EGFR: variants seen among roughly 807,000 people sequenced by gnomAD.
The protein encoded by EGFR is epidermal growth factor receptor, also known as avian erythroblastic leukemia viral (v-erb-b) oncogene homolog.
A neutral mutation model predicts 143.0 loss-of-function variants in EGFR; 58 were observed. The ratio of observed to expected loss-of-function variants is 0.41; its 90% CI spans 0.33 to 0.50. EGFR has a LOEUF of 0.50. Among genes scored for constraint, EGFR ranks in the 20% least tolerant of loss-of-function variants. EGFR has a pLI of 0.39. For synonymous variants in EGFR, 613 were observed against 594.4 expected, an observed-to-expected ratio of 1.03 and a Z score of -0.45; for missense variants, 1,307 against 1,579.0, an observed-to-expected ratio of 0.83 and a Z score of 2.92.
At chr7:55,057,920 T>G (rs1320009790) in intron 1 of EGFR, among the ~76,000 whole-genome samples, 1 of 152,234 alleles carries the variant, frequency 6.6e-6, no homozygotes, top group Non-Finnish European at 1.5e-5. Flanking sequence ...CGTGCTCTTT[T>G]TAAATGGTTG....
chr7:55,051,815 TTA>T (rs1554317455), intron 1 of EGFR, among the ~76,000 whole-genome samples: 1 of 152,210 alleles, frequency 6.6e-6, no homozygotes, highest in Non-Finnish European at 1.5e-5. Flanking sequence ...TGACCACTGC[TTA>T]GTTTCTCAAA....
chr7:55,178,486 G>C (rs1442564687), intron 19 of EGFR, among the ~76,000 whole-genome samples: 1 of 152,202 alleles, frequency 6.6e-6, no homozygotes, highest in South Asian at 2.1e-4. Flanking sequence ...ACCCATTGGG[G>C]TGAGCAGTGG....
intron 14 of EGFR, among the ~76,000 whole-genome samples, chr7:55,164,522 T>A (rs1785870479): frequency 6.6e-6 from 1 of 152,194 alleles, no homozygotes; most frequent in South Asian, 2.1e-4. Flanking sequence ...AGACTTGGTT[T>A]ATAGGTTTGC....
intron 15 of EGFR, among the ~76,000 whole-genome samples, chr7:55,169,074 G>C (rs147644130): frequency 6.6e-6 from 1 of 151,966 alleles, no homozygotes; most frequent in Non-Finnish European, 1.5e-5. Context: ...CCCAGACGAG[G>C]GGGAGGAACC....
chr7:55,080,918 G>A (rs1221403317), intron 1 of EGFR, among the ~76,000 whole-genome samples: 4 of 152,176 alleles, frequency 2.6e-5, no homozygotes, highest in African/African-American at 9.6e-5. Flanking sequence ...TAGGACCCAG[G>A]GGTGATCTAG....
chr7:55,174,583 A>G, intron 18 of EGFR, 139 bp from the exon 19 acceptor site: 1 of 754,886 alleles, frequency 1.3e-6, no homozygotes, highest in Admixed American at 1.9e-5. Context: ...CAGCAATATC[A>G]GCCTTAGGTG....
At chr7:55,163,917 C>A in intron 14 of EGFR, 94 bp downstream of exon 14, 1 of 1,409,036 alleles carries the variant, frequency 7.1e-7, no homozygotes, top group Non-Finnish European at 1.0e-6. Context: ...CCTGTGTGGG[C>A]AGGACGGCCA....
intron 15 of EGFR, 32 bp from the exon 16 acceptor site, chr7:55,171,143 A>G (rs1410887763): frequency 1.2e-6 from 2 of 1,613,936 alleles, no homozygotes; most frequent in South Asian, 2.2e-5. Flanking sequence ...GTAGAATGAG[A>G]AAAATGTATA....
chr7:55,059,767 A>G (rs1449427445), intron 1 of EGFR, among the ~76,000 whole-genome samples: 1 of 152,214 alleles, frequency 6.6e-6, no homozygotes, highest in Non-Finnish European at 1.5e-5. Flanking sequence ...TAAATACTCA[A>G]TGAATAAATA....
intron 1 of EGFR, among the ~76,000 whole-genome samples, chr7:55,058,542 A>T (rs1353955264): frequency 1.4e-4 from 22 of 152,202 alleles, no homozygotes; most frequent in Non-Finnish European, 1.9e-4. Flanking sequence ...AAAGAACAAG[A>T]TCATGTCCTT....
chr7:55,192,651 G>T (rs1787450875), intron 21 of EGFR, 115 bp from the exon 22 acceptor site: 2 of 939,210 alleles, frequency 2.1e-6, no homozygotes, highest in East Asian at 2.5e-5. Context: ...ACGGGTCCTG[G>T]GGTGATCTGG....
intron 3 of EGFR, among the ~76,000 whole-genome samples, chr7:55,143,828 C>T (rs1455679571): frequency 2.0e-5 from 3 of 152,176 alleles, no homozygotes; most frequent in Non-Finnish European, 4.4e-5. Flanking sequence ...AGTGAATAAA[C>T]TGCCAGTCTT....
chr7:55,083,636 C>T (rs1790595449), intron 1 of EGFR, among the ~76,000 whole-genome samples: 1 of 152,172 alleles, frequency 6.6e-6, no homozygotes, highest in Non-Finnish European at 1.5e-5. Context: ...TATTTTCAGG[C>T]CAAGGGGAGA....
chr7:55,201,715 C>T lies in EGFR; in HGVS notation c.3115-20C>T, dbSNP rs1456741009. On this transcript the variant is annotated intron_variant, in intron 25 of 27. Transcript: ENST00000275493. ...TGTGGTACAAGCATTCCATGGGCAA[C>T]TTCTCTGTTTCTTTTTCAGAGTGCA... 7 of 1,614,096 alleles carry T rather than the reference C, an allele frequency of 4.3e-6. No individual in the cohort carries two copies. Among genetic ancestry groups the T allele is most frequent in the Non-Finnish European group, 5.9e-6 (7 of 1,180,046 alleles).
At chr7:55,051,007 C>T (rs984678009) in intron 1 of EGFR, among the ~76,000 whole-genome samples, 10 of 152,160 alleles carry the variant, frequency 6.6e-5, no homozygotes, top group African/African-American at 2.2e-4. Context: ...AGGACCTGAG[C>T]TCCTTCTGGA....
intron 1 of EGFR, among the ~76,000 whole-genome samples, chr7:55,032,644 T>C (rs929259631): frequency 6.6e-6 from 1 of 152,210 alleles, no homozygotes; most frequent in African/African-American, 2.4e-5. Flanking sequence ...GTTCTCTGAC[T>C]GTCTCATGCT....
Position 55,155,878 on chromosome 7 carries a change from C to T in EGFR, c.938C>T (p.Ala313Val), listed in dbSNP as rs149321481. Residue 313 changes from alanine (A) to valine (V), a missense_variant, in exon 8 of 28, where the codon GCC becomes GTC. Transcript: ENST00000275493. ...GGCTCGTGCGTCCGAGCCTGTGGGGCCGACAGCTATGAGATGGAGGAAGAC... is the reference window on the plus strand; with the variant it reads ...GGCTCGTGCGTCCGAGCCTGTGGGGTCGACAGCTATGAGATGGAGGAAGAC... Reference protein sequence around the residue: ...DHGSCVRACGADSYEMEEDGV... With the variant: ...DHGSCVRACGVDSYEMEEDGV... 18 of 1,613,870 alleles carry T rather than the reference C, an allele frequency of 1.1e-5. No individual in the cohort carries two copies. In the African/African-American group the frequency reaches 2.4e-4, roughly 22 times the overall value.
At chr7:55,059,881 T>C (rs898354440) in intron 1 of EGFR, among the ~76,000 whole-genome samples, 5 of 151,922 alleles carry the variant, frequency 3.3e-5, no homozygotes, top group Non-Finnish European at 7.4e-5. Context: ...GCTGAGCAGA[T>C]ACTGGACATG....
chr7:55,195,517 T>A (rs762137004), intron 22 of EGFR, among the ~76,000 whole-genome samples: 1 of 152,236 alleles, frequency 6.6e-6, no homozygotes, highest in Non-Finnish European at 1.5e-5. Context: ...GTACCTGACA[T>A]TTTTTTAACT....
Sources: allele counts gnomAD v4.1 joint callset (sites outside exome capture counted in the v4.1 genomes callset), GRCh38; gene constraint gnomAD v4.1.1; transcripts MANE v1.5; gene names NCBI Gene and HGNC (gene_info 2026-07-23, HGNC 2026-07-21).